The following KRT84 variants were observed in gnomAD, a reference collection of about 807,000 sequenced individuals.
The protein encoded by KRT84 is keratin, type II cuticular Hb4.
KRT84 carries 38 observed loss-of-function variants against 49.0 expected under a neutral mutation model. The observed-to-expected ratio is 0.78, with a 90% CI of 0.60 to 1.02. The LOEUF is 1.02. Ranked by LOEUF, KRT84 falls within the 50% of genes least tolerant of loss-of-function variation. The pLI, the probability that KRT84 is intolerant of heterozygous loss-of-function variation, is 0.00. For synonymous variants in KRT84, 334 were observed against 312.8 expected (o/e 1.07, Z -0.72); for missense variants, 860 against 788.6 (o/e 1.09, Z -1.08).
chr12:52,386,713 CACAAAGCAATAT>C (rs1565777926), upstream of KRT84, among the ~76,000 whole-genome samples: 2 of 152,086 alleles, frequency 1.3e-5, no homozygotes, highest in African/African-American at 2.4e-5. Context: ...GATAGAGAGA[CACAAAGCAATAT>C]ACATCTGGAT....
chr12:52,382,963 G>T, intron 3 of KRT84, 42 bp downstream of exon 3: 1 of 1,570,964 alleles, frequency 6.4e-7, no homozygotes, highest in Non-Finnish European at 8.8e-7. Flanking sequence ...AACATTTGCC[G>T]GTCCAGAGGA....
In KRT84 at chr12:52,381,191, C is replaced by A; in HGVS notation, c.1092G>T (p.Gln364His). ...AWYQTKYEEMQVTAGQHCDNL... is the reference protein window; with the variant it reads ...AWYQTKYEEMHVTAGQHCDNL... ...TGTCACAGTGTTGGCCAGCTGTCAC[C>A]TGCATCTCTTCATACTGCGGAGAGA... Residue 364 changes from glutamine (Q) to histidine (H), a missense_variant, in exon 6 of 9, where the codon CAG becomes CAT. Physicochemically the swap from Gln to His is conservative, Grantham distance 24. Transcript: ENST00000257951. 6.2e-7 allele frequency: 1 copy of A among 1,614,214 alleles called. No individual in the cohort carries two copies. Among genetic ancestry groups the A allele is most frequent in the South Asian group, 1.1e-5 (1 of 91,074 alleles).
At chr12:52,380,059 GT>G in intron 7 of KRT84, 152 bp from the exon 8 acceptor site, 1 of 724,632 alleles carries the variant, frequency 1.4e-6, no homozygotes, top group Non-Finnish European at 2.3e-6. Flanking sequence ...TGAAAAACAC[GT>G]TCTTAGACCC....
intron 7 of KRT84, 56 bp from the exon 8 acceptor site, chr12:52,379,963 A>G (rs375855340): frequency 1.5e-5 from 23 of 1,518,238 alleles, no homozygotes; most frequent in Non-Finnish European, 1.9e-5. Flanking sequence ...CTGAAAACCT[A>G]TTTGCCATAA....
chr12:52,380,936 C>T, intron 6 of KRT84, 144 bp downstream of exon 6: 2 of 1,157,640 alleles, frequency 1.7e-6, no homozygotes, highest in Non-Finnish European at 2.4e-6. Flanking sequence ...TTTTATCCTC[C>T]AGAAAGCCTT....
In KRT84 at chr12:52,385,055, G is replaced by C; in HGVS notation, c.531C>G (p.Ala177=). 6.2e-7 allele frequency: 1 copy of C among 1,607,198 alleles called. No individual in the cohort carries two copies. Among genetic ancestry groups the C allele is most frequent in the Non-Finnish European group, 8.5e-7 (1 of 1,176,766 alleles). ...TCATAGGTACCTTGTCAATGAAGGAGGCAAACTTGTTGTTGAGGGTCTTGA... is the reference window on the plus strand; with the variant it reads ...TCATAGGTACCTTGTCAATGAAGGACGCAAACTTGTTGTTGAGGGTCTTGA... ...EQIKTLNNKF[A]SFIDKVRFLE... is the part of the protein sequence containing the mutation. The change falls in exon 1 of 9, where the codon GCC becomes GCG. Residue 177 remains alanine (A), a synonymous_variant. Transcript: ENST00000257951.
rs775623404 is a variant in KRT84, at chr12:52,385,599, T to A, written c.-14A>T. ...GCGGCAAGACATGATGGCTTCCTGG[T>A]TGGGAGCAAAAGAGCAAGTGTAGAA... On this transcript the variant is annotated 5_prime_UTR_variant, in exon 1 of 9. Coordinates refer to ENST00000257951, the MANE Select transcript of KRT84 (RefSeq NM_033045.4). 1.2e-6 allele frequency: 2 copies of A among 1,609,036 alleles called. No individual in the cohort carries two copies. Among genetic ancestry groups the A allele is most frequent in the Non-Finnish European group, 8.5e-7 (1 of 1,177,294 alleles).
Position 52,378,365 on chromosome 12 carries a change from C to A in KRT84, c.1472G>T (p.Arg491Leu). 1 of 1,467,650 alleles carries A rather than the reference C, an allele frequency of 6.8e-7. No homozygotes were observed. 90.9% of individuals were successfully genotyped at this position (1,467,650 alleles called of 1,614,324 possible). Residue 491 changes from arginine (R) to leucine (L), a missense_variant, in exon 9 of 9, where the codon CGG (arginine) becomes CTG (leucine). Transcript: ENST00000257951. ...CTCAGGCCCGCACACCAGGCCGCCC[C>A]GGGAGCTGCTGACGGCTGCGGAGAA... is the stretch of plus-strand genomic sequence containing the variant. ...GPVNISVSSS[R>L]GGLVCGPEPL...
At chr12:52,379,784 G>T in intron 8 of KRT84, 92 bp downstream of exon 8, 1 of 1,044,394 alleles carries the variant, frequency 9.6e-7, no homozygotes, top group East Asian at 2.5e-5. Context: ...GACCGGCCAT[G>T]TCGGACGCCT....
In KRT84 at chr12:52,382,439, C is replaced by CTAAAATGAA; in HGVS notation, c.909_910insTTCATTTTA (p.Met303_Glu304insPheIleLeu). The CTAAAATGAA allele has an allele frequency of 6.2e-7, 1 of 1,610,786 alleles. No individual in the cohort carries two copies. The highest frequency in any genetic ancestry group is 8.5e-7 in the Non-Finnish European group (1 of 1,176,922). On this transcript the variant is annotated inframe_insertion, in exon 4 of 9. Transcript: ENST00000257951. ...CCCTAGAGAAGATGAACCCTCACCT[C>CTAAAATGAA]CATGTAAAGCGTTTTTAGAAAGTCA...
In KRT84 at chr12:52,379,902, C is replaced by T. The variant is rs768295767; in HGVS notation, c.1430G>A (p.Cys477Tyr). 32 of 1,612,424 alleles carry T rather than the reference C, an allele frequency of 2.0e-5. No individual in the cohort carries two copies. In the East Asian group the frequency reaches 6.7e-4, roughly 34 times the overall value. Residue 477 changes from cysteine to tyrosine, a missense_variant, in exon 8 of 9, where the codon TGT becomes TAT. Physicochemically the swap from Cys to Tyr is radical, Grantham distance 194. Transcript: ENST00000257951. The part of the protein sequence containing the change: ...RLLEGEESRL[C>Y]EGVGPVNISV... ...TATGTTTACTGGTCCAACACCTTCACAGAGCCTGGAAAGGGGAAGAAACAA... is the reference window on the plus strand; with the variant it reads ...TATGTTTACTGGTCCAACACCTTCATAGAGCCTGGAAAGGGGAAGAAACAA...
chr12:52,385,874 A>T (rs1372350823), upstream of KRT84, among the ~76,000 whole-genome samples: 3 of 152,242 alleles, frequency 2.0e-5, no homozygotes, highest in Non-Finnish European at 4.4e-5. Flanking sequence ...ACACATAAAC[A>T]TATAAACATT....
rs138151468 is a variant in KRT84 at position 52,380,550 on chromosome 12, C to T, written c.1237G>A (p.Glu413Lys). 236 of 1,613,452 alleles carry T rather than the reference C, an allele frequency of 1.5e-4. No individual in the cohort carries two copies. In the African/African-American group the frequency reaches 2.0e-3, roughly 14 times the overall value. Residue 413 changes from glutamate to lysine, a missense_variant, in exon 7 of 9, where the codon GAG (glutamate) becomes AAG (lysine). Glu to Lys is a moderately conservative substitution (Grantham distance 56, BLOSUM62 1). Transcript: ENST00000257951. The stretch of plus-strand genomic sequence containing the variant: ...CTGAGGGTCGCCTCGCCCTGCTGCT[C>T]GGCCTCGGCCACTGCAGCCTCCAAC... ...AKLEAAVAEA[E>K]QQGEATLSDA...
chr12:52,382,905 T>A (rs1939508895), intron 3 of KRT84, 100 bp downstream of exon 3: 1 of 944,526 alleles, frequency 1.1e-6, no homozygotes, highest in African/African-American at 1.6e-5. Flanking sequence ...ATGTGAGTAG[T>A]CCCAGACTCC....
chr12:52,383,726 T>G lies in KRT84; in HGVS notation c.619A>C (p.Arg207=). 6.2e-7 allele frequency: 1 copy of G among 1,614,118 alleles called. No homozygotes were observed. The highest frequency in any genetic ancestry group is 8.5e-7 in the Non-Finnish European group (1 of 1,179,968). ...WSFLQEQKCI[R]SNLEPLFESY... is the part of the protein sequence containing the mutation. ...TCGAAGAGTGGCTCCAGATTGCTCC[T>G]GATACATTTCTGCTCTTGGAGGAAG... Residue 207 remains arginine (R), a synonymous_variant, in exon 2 of 9, where the codon AGG becomes CGG. Transcript: ENST00000257951.
At position 52,379,110 on chromosome 12, in the gene KRT84, A is replaced by G. The variant is rs117244070; in HGVS notation, c.1457-730T>C. Among the ~76,000 whole-genome samples the G allele has an allele frequency of 1.3e-3, 194 of 152,290 alleles. 2 individuals are homozygous for G. The East Asian group carries it at 0.023, about 18-fold the overall frequency. ...CGCCTCCATGGGAGTGGGAAGGGAC[A>G]CTGTCTTCCAAGTACATGTAGCTCT... On this transcript the variant is annotated intron_variant, in intron 8 of 8. Coordinates refer to ENST00000257951, the MANE Select transcript of KRT84 (RefSeq NM_033045.4).
At chr12:52,383,851 C>T (rs1939529997) in intron 1 of KRT84, 53 bp from the exon 2 acceptor site, 3 of 1,469,912 alleles carry the variant, frequency 2.0e-6, no homozygotes, top group Non-Finnish European at 2.8e-6. Flanking sequence ...AGGGTTCATG[C>T]CTTGACCAAG....
chr12:52,383,564 G>C, intron 2 of KRT84, 26 bp downstream of exon 2: 2 of 1,598,470 alleles, frequency 1.3e-6, no homozygotes, highest in Non-Finnish European at 1.7e-6. Flanking sequence ...CCTGTCACTG[G>C]TCTGTGCAGC....
intron 1 of KRT84, among the ~76,000 whole-genome samples, 154 bp downstream of exon 1, chr12:52,384,886 T>G (rs1791632): frequency 0.32 from 48,607 of 151,958 alleles, 9,770 homozygotes; most frequent in African/African-American, 0.57. Flanking sequence ...GAGCAACCCA[T>G]AAAGCATACC....
Sources: allele counts gnomAD v4.1 joint callset (sites outside exome capture counted in the v4.1 genomes callset), GRCh38; gene constraint gnomAD v4.1.1; transcripts MANE v1.5; gene names NCBI Gene and HGNC (gene_info 2026-07-23, HGNC 2026-07-21).